ARHGAP22: variants seen among roughly 807,000 people sequenced by gnomAD.
ARHGAP22 encodes the protein rho GTPase-activating protein 22.
ARHGAP22 carries 48 observed loss-of-function variants against 59.1 expected under a neutral mutation model. The ratio of observed to expected loss-of-function variants is 0.81; its 90% CI spans 0.64 to 1.03. The LOEUF (loss-of-function observed/expected upper bound fraction) is 1.03, where lower values mean the gene tolerates loss of function less well. ARHGAP22 is among the 50% of genes least tolerant of loss of function. ARHGAP22 has a pLI of 0.00. For missense variants in ARHGAP22, 1,015 were observed against 958.7 expected, an observed-to-expected ratio of 1.06 and a Z score of -0.78; for synonymous variants, 445 against 416.4, an observed-to-expected ratio of 1.07 and a Z score of -0.84.
At chr10:48,584,726 G>C (rs1045591423) in intron 1 of ARHGAP22, among the ~76,000 whole-genome samples, 12 of 152,210 alleles carry the variant, frequency 7.9e-5, no homozygotes, top group Admixed American at 4.6e-4. Flanking sequence ...TGGGCGCGGT[G>C]GCTCACGCCT....
At chr10:48,528,962 A>G (rs1419753703) in intron 3 of ARHGAP22, among the ~76,000 whole-genome samples, 3 of 152,220 alleles carry the variant, frequency 2.0e-5, no homozygotes, top group Non-Finnish European at 4.4e-5. Context: ...CTTTGAGCCA[A>G]AATAAACCTC....
At chr10:48,605,833 A>G (rs1201930544), upstream of ARHGAP22, among the ~76,000 whole-genome samples, 1 of 152,140 alleles carries the variant, frequency 6.6e-6, no homozygotes, top group African/African-American at 2.4e-5. Context: ...TCTGGAAAAT[A>G]AGGCACAGCA....
chr10:48,433,093 T>G, the ARHGAP22 span, among the ~76,000 whole-genome samples: 1 of 152,196 alleles, frequency 6.6e-6, no homozygotes, highest in African/African-American at 2.4e-5. Context: ...GTATAGAGGC[T>G]CACTTAAGAG....
chr10:48,570,411 T>C (rs746824450), intron 2 of ARHGAP22, among the ~76,000 whole-genome samples: 1 of 152,132 alleles, frequency 6.6e-6, no homozygotes, highest in East Asian at 1.9e-4. Flanking sequence ...CTAATGGGAG[T>C]GTGAAGCTCA....
Position 48,625,693 on chromosome 10 carries a change from T to TACACAAACACACACACAC in ARHGAP22, c.52+26540_52+26541insGTGTGTGTGTGTTTGTGT, listed in dbSNP as rs71465465. ...AAAGGAAGGGCCTCCCTGCAACGTG[T>TACACAAACACACACACAC]ACACACACACACACACACACACACA... On this transcript the variant is annotated intron_variant, in intron 1 of 9. Coordinates refer to the ARHGAP22 transcript ENST00000435790. Among the ~76,000 whole-genome samples, 12 of 138,966 alleles carry TACACAAACACACACACAC rather than the reference T, an allele frequency of 8.6e-5. 1 individual carries two copies. The South Asian group carries it at 9.9e-4, about 12-fold the overall frequency. The allele number at this position is 138,966 out of a possible 152,430, so 91.2% of individuals were successfully genotyped here.
In ARHGAP22 at chr10:48,636,142, C is replaced by T. The variant is rs554180407; in HGVS notation, c.52+16092G>A. 2.0e-5 allele frequency among the ~76,000 whole-genome samples: 3 copies of T among 152,324 alleles called. No individual in the cohort carries two copies. The East Asian group carries it at 5.8e-4, about 29-fold the overall frequency. The stretch of plus-strand genomic sequence containing the variant: ...TCCTGTGCTGCCAGGTGCAGGTGAA[C>T]ATCCTGGAGAGGCTTGGGGGTTAAG... On this transcript the variant is annotated intron_variant, in intron 1 of 9. Coordinates refer to the ARHGAP22 transcript ENST00000435790.
chr10:48,607,341 G>T (rs1564991344), upstream of ARHGAP22, among the ~76,000 whole-genome samples: 1 of 152,206 alleles, frequency 6.6e-6, no homozygotes, highest in Non-Finnish European at 1.5e-5. Flanking sequence ...CTGGGAAAAG[G>T]GCAGGAGTTG....
At chr10:48,518,000 G>C (rs950922437) in intron 3 of ARHGAP22, among the ~76,000 whole-genome samples, 2 of 152,172 alleles carry the variant, frequency 1.3e-5, no homozygotes, top group African/African-American at 4.8e-5. Flanking sequence ...GAGGTGTGAG[G>C]GGGAGGCCTG....
intron 1 of ARHGAP22, among the ~76,000 whole-genome samples, chr10:48,596,958 G>A (rs976176529): frequency 6.6e-6 from 1 of 152,174 alleles, no homozygotes; most frequent in Non-Finnish European, 1.5e-5. Flanking sequence ...CTCCACCCCT[G>A]TATGTCTGCC....
At chr10:48,509,694 C>G (rs2052552559) in intron 3 of ARHGAP22, among the ~76,000 whole-genome samples, 1 of 152,156 alleles carries the variant, frequency 6.6e-6, no homozygotes, top group African/African-American at 2.4e-5. Flanking sequence ...ACTATCAGTG[C>G]CTTCCCAGAA....
At chr10:48,456,135 G>A (rs2046480457) in intron 5 of ARHGAP22, among the ~76,000 whole-genome samples, 1 of 152,154 alleles carries the variant, frequency 6.6e-6, no homozygotes, top group Non-Finnish European at 1.5e-5. Flanking sequence ...GCCCCAGGTT[G>A]TTCATCTGCT....
chr10:48,650,356 C>T, intron 1 of ARHGAP22, among the ~76,000 whole-genome samples: 1 of 152,016 alleles, frequency 6.6e-6, no homozygotes, highest in Admixed American at 6.6e-5. Flanking sequence ...TGCATGAGTC[C>T]ATTTACATGA....
intron 3 of ARHGAP22, among the ~76,000 whole-genome samples, chr10:48,507,628 T>C (rs1284566225): frequency 6.6e-6 from 1 of 152,060 alleles, no homozygotes; most frequent in Non-Finnish European, 1.5e-5. Flanking sequence ...GTGTGCTGGG[T>C]CCTCTCCCAC....
intron 4 of ARHGAP22, among the ~76,000 whole-genome samples, chr10:48,477,697 T>C (rs560000261): frequency 6.6e-6 from 1 of 152,378 alleles, no homozygotes; most frequent in African/African-American, 2.4e-5. Flanking sequence ...AAGTATCCCA[T>C]TGTGATTTAA....
At chr10:48,567,342 G>A (rs1194274465) in intron 2 of ARHGAP22, among the ~76,000 whole-genome samples, 1 of 152,162 alleles carries the variant, frequency 6.6e-6, no homozygotes, top group African/African-American at 2.4e-5. Flanking sequence ...CATGCTCATG[G>A]GAATGAGATG....
At chr10:48,435,294 TA>T in the ARHGAP22 span, 1 of 334,732 alleles carries the variant, frequency 3.0e-6, no homozygotes, top group Non-Finnish European at 5.4e-6. Flanking sequence ...TATCATGGTT[TA>T]AATTTTTTGC....
intron 3 of ARHGAP22, among the ~76,000 whole-genome samples, chr10:48,542,859 G>A (rs2056089205): frequency 6.6e-6 from 1 of 152,158 alleles, no homozygotes; most frequent in African/African-American, 2.4e-5. Flanking sequence ...CGGAAGAGGA[G>A]CTGCCTGGCT....
chr10:48,497,981 G>A (rs2134322007), intron 3 of ARHGAP22, among the ~76,000 whole-genome samples: 1 of 152,246 alleles, frequency 6.6e-6, no homozygotes, highest in South Asian at 2.1e-4. Flanking sequence ...GAAACTTCAG[G>A]TGTCCATGGT....
At chr10:48,548,811 G>A (rs1165040956) in intron 3 of ARHGAP22, among the ~76,000 whole-genome samples, 3 of 152,228 alleles carry the variant, frequency 2.0e-5, no homozygotes, top group Non-Finnish European at 4.4e-5. Flanking sequence ...TACCAGGTGG[G>A]CAGGACCTGG....
Sources: gnomAD v4.1 joint callset for allele counts (sites outside exome capture counted in the v4.1 genomes callset) on GRCh38, gnomAD v4.1.1 for gene constraint, MANE v1.5 for transcripts, NCBI Gene and HGNC (gene_info 2026-07-23, HGNC 2026-07-21) for gene names.